The following CPED1 variants were observed in gnomAD, a reference collection of about 807,000 sequenced individuals.
CPED1 encodes cadherin-like and PC-esterase domain-containing protein 1.
Under a neutral mutation model 128.2 loss-of-function variants are expected in CPED1, and 114 were observed. The observed-to-expected ratio is 0.89, with a 90% CI of 0.76 to 1.04. The LOEUF is 1.04. CPED1 is among the 50% of genes least tolerant of loss of function. The pLI is 0.00. For synonymous variants in CPED1, 462 were observed against 426.7 expected (o/e 1.08, Z -1.02); for missense variants, 1,211 against 1,207.1 (o/e 1.00, Z -0.05).
At chr7:121,230,266 C>T (rs144427014) in intron 16 of CPED1, among the ~76,000 whole-genome samples, 88 of 151,992 alleles carry the variant, frequency 5.8e-4, no homozygotes, top group African/African-American at 1.9e-3. Flanking sequence ...TGATTGGCTG[C>T]TAGGGGCAAT....
intron 7 of CPED1, among the ~76,000 whole-genome samples, chr7:121,117,379 G>A (rs1795278442): frequency 6.6e-6 from 1 of 151,852 alleles, no homozygotes; most frequent in South Asian, 2.1e-4. Context: ...GGGATTACAG[G>A]CATGAGCCAC....
intron 2 of CPED1, among the ~76,000 whole-genome samples, chr7:121,003,201 A>T (rs1791912192): frequency 6.6e-6 from 1 of 152,198 alleles, no homozygotes; most frequent in African/African-American, 2.4e-5. Flanking sequence ...GTCTTCCTTC[A>T]TTCAAAAGAT....
intron 5 of CPED1, among the ~76,000 whole-genome samples, chr7:121,067,059 G>C (rs995837519): frequency 6.6e-6 from 1 of 151,954 alleles, no homozygotes; most frequent in African/African-American, 2.4e-5. Context: ...TGGCTGGGGG[G>C]CACAGGGGGT....
intron 2 of CPED1, 70 bp from the exon 3 acceptor site, chr7:121,015,595 G>A (rs1193376781): frequency 7.4e-6 from 10 of 1,342,534 alleles, no homozygotes; most frequent in Middle Eastern, 1.8e-4. Context: ...CCCTTGATTT[G>A]CATTCATGAT....
At chr7:121,121,916 G>T (rs1437400593) in intron 7 of CPED1, among the ~76,000 whole-genome samples, 2 of 152,156 alleles carry the variant, frequency 1.3e-5, no homozygotes, top group African/African-American at 4.8e-5. Context: ...GTAACAAATT[G>T]CAGTGTAACC....
chr7:121,123,897 A>C (rs1303293877), intron 7 of CPED1, among the ~76,000 whole-genome samples: 1 of 152,214 alleles, frequency 6.6e-6, no homozygotes, highest in Non-Finnish European at 1.5e-5. Context: ...TCATACTTTA[A>C]CATGACTTTC....
chr7:121,180,845 T>C (rs1274680781), intron 16 of CPED1, among the ~76,000 whole-genome samples: 1 of 152,048 alleles, frequency 6.6e-6, no homozygotes, highest in African/African-American at 2.4e-5. Context: ...AAAGTAATGT[T>C]CTTAGTTACT....
chr7:121,118,865 C>T (rs1795315965), intron 7 of CPED1, among the ~76,000 whole-genome samples: 1 of 152,030 alleles, frequency 6.6e-6, no homozygotes, highest in Non-Finnish European at 1.5e-5. Flanking sequence ...AACTAGATCT[C>T]CTGAGAACTC....
At chr7:121,241,628 G>A (rs917068699) in intron 17 of CPED1, among the ~76,000 whole-genome samples, 17 of 151,984 alleles carry the variant, frequency 1.1e-4, no homozygotes, top group Non-Finnish European at 7.4e-5. Flanking sequence ...TGTACCTAAA[G>A]TACCACTCCT....
chr7:121,238,471 C>T (rs976131055), intron 17 of CPED1, among the ~76,000 whole-genome samples: 4 of 152,120 alleles, frequency 2.6e-5, no homozygotes, highest in African/African-American at 7.2e-5. Context: ...GAAGTCCTCT[C>T]CGGGAAGCCT....
At chr7:121,049,716 C>A (rs1263918475) in intron 4 of CPED1, among the ~76,000 whole-genome samples, 1 of 152,218 alleles carries the variant, frequency 6.6e-6, no homozygotes, top group Admixed American at 6.5e-5. Context: ...CCCTAAATGC[C>A]TGTGCTGTTT....
intron 2 of CPED1, 93 bp downstream of exon 2, chr7:120,989,963 A>G: frequency 1.4e-5 from 20 of 1,447,796 alleles, no homozygotes; most frequent in Non-Finnish European, 1.9e-5. Context: ...AACTTCCATG[A>G]GGTCTGAAAG....
At chr7:121,162,108 T>C (rs114528278) in intron 16 of CPED1, among the ~76,000 whole-genome samples, 1 of 152,234 alleles carries the variant, frequency 6.6e-6, no homozygotes, top group African/African-American at 2.4e-5. Flanking sequence ...CCATAAAGTG[T>C]TGCAAACACA....
chr7:121,075,699 C>T (rs758504611), intron 5 of CPED1, among the ~76,000 whole-genome samples: 3 of 152,014 alleles, frequency 2.0e-5, no homozygotes, highest in Admixed American at 6.6e-5. Context: ...CCTGACCTCA[C>T]GTGATCCACC....
chr7:121,015,139 C>A (rs1199060449), intron 2 of CPED1, among the ~76,000 whole-genome samples: 1 of 152,184 alleles, frequency 6.6e-6, no homozygotes, highest in Non-Finnish European at 1.5e-5. Context: ...GAGATGCATT[C>A]CAGTTTTGCT....
intron 16 of CPED1, among the ~76,000 whole-genome samples, chr7:121,195,546 T>A (rs1210722234): frequency 6.6e-6 from 1 of 152,126 alleles, no homozygotes; most frequent in African/African-American, 2.4e-5. Context: ...CTTTAAATGT[T>A]TGCTCTGGAA....
intron 16 of CPED1, among the ~76,000 whole-genome samples, chr7:121,206,637 C>T (rs1417015158): frequency 6.6e-6 from 1 of 151,808 alleles, no homozygotes; most frequent in Non-Finnish European, 1.5e-5. Flanking sequence ...AGAAATGATA[C>T]AATTCAATAC....
At chr7:121,050,972 T>C in intron 4 of CPED1, 1 of 515,426 alleles carries the variant, frequency 1.9e-6, no homozygotes, top group South Asian at 1.5e-5. Context: ...TTGGCGCAGT[T>C]GTCAGCTAAA....
chr7:121,126,823 T>A (rs1795515631), intron 9 of CPED1, among the ~76,000 whole-genome samples: 1 of 152,144 alleles, frequency 6.6e-6, no homozygotes, highest in South Asian at 2.1e-4. Context: ...TGAAAGCATA[T>A]TCTTCAGCTA....
Sources: allele counts gnomAD v4.1 joint callset (sites outside exome capture counted in the v4.1 genomes callset), GRCh38; gene constraint gnomAD v4.1.1; transcripts MANE v1.5; gene names NCBI Gene and HGNC (gene_info 2026-07-23, HGNC 2026-07-21).